Variants in CSMD1 observed in about 807,000 individuals in gnomAD.
CSMD1 encodes the protein CUB and Sushi multiple domains 1.
Under a neutral mutation model 417.5 loss-of-function variants are expected in CSMD1, and 213 were observed. That is an observed-to-expected ratio of 0.51 (90% CI 0.46 to 0.57). CSMD1 has a LOEUF of 0.57. Among genes scored for constraint, CSMD1 ranks in the 20% least tolerant of loss-of-function variants. The pLI, the probability that CSMD1 is intolerant of heterozygous loss-of-function variation, is 0.00. For synonymous variants in CSMD1, 2,862 were observed against 1,736.8 expected, an observed-to-expected ratio of 1.65 and a Z score of -16.11; for missense variants, 6,923 against 4,529.7, an observed-to-expected ratio of 1.53 and a Z score of -15.17.
chr8:3,189,068 G>A, intron 34 of CSMD1, 57 bp from the exon 35 acceptor site: 1 of 1,508,334 alleles, frequency 6.6e-7, no homozygotes, highest in Non-Finnish European at 9.0e-7. Flanking sequence ...TGTTGATTTG[G>A]CATGCAGTTT....
intron 26 of CSMD1, among the ~76,000 whole-genome samples, chr8:3,239,144 G>A (rs1799336373): frequency 6.6e-6 from 1 of 152,122 alleles, no homozygotes; most frequent in South Asian, 2.1e-4. Flanking sequence ...CTTTTTAAGT[G>A]GTGGCTGAGC....
At chr8:4,543,400 G>C (rs911953604) in intron 2 of CSMD1, among the ~76,000 whole-genome samples, 2 of 152,054 alleles carry the variant, frequency 1.3e-5, no homozygotes, top group Non-Finnish European at 1.5e-5. Flanking sequence ...ACAGTTTGTA[G>C]CCTTTTCAGA....
chr8:4,256,133 G>A (rs1281700841), intron 3 of CSMD1, among the ~76,000 whole-genome samples: 1 of 152,190 alleles, frequency 6.6e-6, no homozygotes, highest in Non-Finnish European at 1.5e-5. Flanking sequence ...TTTCTGAGCA[G>A]TACTAATCAC....
Position 4,369,444 on chromosome 8 carries a change from A to C in CSMD1, c.415+50509T>G, listed in dbSNP as rs112051113. Among the ~76,000 whole-genome samples the C allele has an allele frequency of 7.1e-4, 108 of 152,272 alleles. 1 individual carries two copies. The highest frequency in any genetic ancestry group is 2.1e-3 in the African/African-American group (86 of 41,554). ...CACTGTTGGGTGGAGTGTTTTATAG[A>C]TGTCTCTGACGTATAATTAGTCAAG... is the stretch of plus-strand genomic sequence containing the variant. On this transcript the variant is annotated intron_variant, in intron 3 of 69. Transcript: ENST00000635120.
intron 1 of CSMD1, among the ~76,000 whole-genome samples, chr8:4,896,966 C>T (rs1473174860): frequency 6.6e-6 from 1 of 152,098 alleles, no homozygotes; most frequent in Non-Finnish European, 1.5e-5. Context: ...TCTCCATTTA[C>T]ATTTCTTTCA....
At chr8:3,598,979 G>A (rs968908200) in intron 8 of CSMD1, among the ~76,000 whole-genome samples, 1 of 152,126 alleles carries the variant, frequency 6.6e-6, no homozygotes, top group Non-Finnish European at 1.5e-5. Context: ...TACTCAGGAG[G>A]CTGAGAGAGG....
intron 2 of CSMD1, among the ~76,000 whole-genome samples, chr8:4,633,471 G>C (rs141466016): frequency 4.6e-5 from 7 of 151,756 alleles, no homozygotes; most frequent in Non-Finnish European, 1.0e-4. Context: ...GGATGGTCTC[G>C]ATCTACTGAC....
At chr8:3,936,845 A>G (rs1321584357) in intron 5 of CSMD1, among the ~76,000 whole-genome samples, 1 of 152,188 alleles carries the variant, frequency 6.6e-6, no homozygotes, top group Non-Finnish European at 1.5e-5. Context: ...GAGTGAGTCC[A>G]TTGATGGATC....
chr8:4,706,872 G>A (rs758396704), intron 1 of CSMD1, among the ~76,000 whole-genome samples: 1 of 152,184 alleles, frequency 6.6e-6, no homozygotes, highest in Non-Finnish European at 1.5e-5. Context: ...AGTAGCAAGG[G>A]CAGTTCAGTG....
intron 5 of CSMD1, among the ~76,000 whole-genome samples, chr8:3,841,172 G>GT (rs1450273200): frequency 1.1e-4 from 17 of 152,168 alleles, no homozygotes; most frequent in African/African-American, 4.1e-4. Flanking sequence ...TGGAAATTGT[G>GT]TTTTTATGTA....
chr8:3,515,228 A>G (rs1378849646), intron 10 of CSMD1: 1 of 152,238 alleles, frequency 6.6e-6, no homozygotes, highest in Non-Finnish European at 1.5e-5. Flanking sequence ...TACATTTGAC[A>G]TCCTATTTGT....
chr8:3,799,171 T>C (rs1563092508), intron 5 of CSMD1, among the ~76,000 whole-genome samples: 1 of 152,222 alleles, frequency 6.6e-6, no homozygotes, highest in East Asian at 1.9e-4. Context: ...ATGTATTTAT[T>C]TGACTATCAT....
At chr8:4,353,180 C>T (rs942866855) in intron 3 of CSMD1, among the ~76,000 whole-genome samples, 5 of 152,152 alleles carry the variant, frequency 3.3e-5, no homozygotes, top group African/African-American at 1.2e-4. Context: ...GTAATAATCC[C>T]CACGTGTCAA....
intron 2 of CSMD1, among the ~76,000 whole-genome samples, chr8:4,577,583 C>T (rs1298544319): frequency 6.6e-6 from 1 of 152,206 alleles, no homozygotes; most frequent in African/African-American, 2.4e-5. Flanking sequence ...GCTTTTCCCT[C>T]AGGCAGGATC....
chr8:3,550,459 G>A (rs1798862276), intron 10 of CSMD1, among the ~76,000 whole-genome samples: 1 of 152,120 alleles, frequency 6.6e-6, no homozygotes, highest in South Asian at 2.1e-4. Flanking sequence ...TTTTTTAATT[G>A]ACACATGGCG....
chr8:4,135,843 G>A (rs567948512), intron 3 of CSMD1, among the ~76,000 whole-genome samples: 12 of 152,152 alleles, frequency 7.9e-5, no homozygotes, highest in African/African-American at 2.4e-4. Context: ...ACTACAAATT[G>A]GCATTTTTTT....
At chr8:3,115,205 C>T (rs3053039) in intron 42 of CSMD1, among the ~76,000 whole-genome samples, 60 of 104,682 alleles carry the variant, frequency 5.7e-4, no homozygotes, top group Non-Finnish European at 7.1e-4. Context: ...CCCCCCCCCC[C>T]CTTTTTTTTT....
chr8:3,776,512 T>A (rs189161186), intron 5 of CSMD1, among the ~76,000 whole-genome samples: 1 of 152,146 alleles, frequency 6.6e-6, no homozygotes, highest in Non-Finnish European at 1.5e-5. Context: ...TTAAACACCC[T>A]GGGGCCTTGG....
At chr8:3,435,866 G>C (rs73660004) in intron 12 of CSMD1, among the ~76,000 whole-genome samples, 3,168 of 152,308 alleles carry the variant, frequency 0.021, 126 homozygotes, top group African/African-American at 0.071. Flanking sequence ...TCCTGACTTT[G>C]CTTCTGCCCC....
Sources: allele counts gnomAD v4.1 joint callset (sites outside exome capture counted in the v4.1 genomes callset), GRCh38; gene constraint gnomAD v4.1.1; transcripts MANE v1.5; gene names NCBI Gene and HGNC (gene_info 2026-07-23, HGNC 2026-07-21).